Variants in SPHKAP observed in about 807,000 individuals in gnomAD.
SPHKAP encodes A-kinase anchor protein SPHKAP.
Under a neutral mutation model 137.5 loss-of-function variants are expected in SPHKAP, and 67 were observed. The observed-to-expected ratio is 0.49, with a 90% confidence interval of 0.40 to 0.60. The LOEUF is 0.60. SPHKAP is among the 20% of genes least tolerant of loss of function. The pLI is 0.00. For missense variants in SPHKAP, 2,097 were observed against 2,069.3 expected (o/e 1.01, Z -0.26); for synonymous variants, 813 against 785.3 (o/e 1.04, Z -0.59).
chr2:228,109,420 C>A, intron 2 of SPHKAP: 2 of 961,972 alleles, frequency 2.1e-6, no homozygotes, highest in Non-Finnish European at 2.5e-6. Context: ...TCTAGAACAC[C>A]TAAGGTACTA....
chr2:228,156,903 G>A (rs1197941469), intron 1 of SPHKAP, among the ~76,000 whole-genome samples: 2 of 152,098 alleles, frequency 1.3e-5, no homozygotes, highest in Non-Finnish European at 2.9e-5. Flanking sequence ...ATGGAACTGT[G>A]AGTCAATTAA....
chr2:228,046,909 C>A (rs1372866298), intron 3 of SPHKAP, among the ~76,000 whole-genome samples: 1 of 152,150 alleles, frequency 6.6e-6, no homozygotes, highest in Non-Finnish European at 1.5e-5. Flanking sequence ...CATTCCCCAA[C>A]CTCATTATGA....
At position 227,999,909 on chromosome 2, in the gene SPHKAP, A is replaced by G. The variant is rs547455103; in HGVS notation, c.4449-4215T>C. ...ATATCAAATTCCATCATAGAATCTA[A>G]TCTCTCAGTTGGCAGAGATTTTAGA... On this transcript the variant is annotated intron_variant, in intron 7 of 11. Coordinates refer to ENST00000392056, the MANE Select transcript of SPHKAP (RefSeq NM_001142644.2). Among the ~76,000 whole-genome samples, 46 of 152,326 alleles carry G rather than the reference A, an allele frequency of 3.0e-4. No homozygotes were observed. In the South Asian group the frequency reaches 9.3e-3, roughly 31 times the overall value.
intron 2 of SPHKAP, 43 bp from the exon 3 acceptor site, chr2:228,108,982 TTCTA>T (rs1698430692): frequency 7.5e-7 from 1 of 1,333,392 alleles, no homozygotes; most frequent in Non-Finnish European, 1.0e-6. Context: ...CGGCAATCCT[TTCTA>T]TCTAAACAGC....
chr2:228,149,586 T>A (rs1213021391), intron 1 of SPHKAP, among the ~76,000 whole-genome samples: 1 of 152,210 alleles, frequency 6.6e-6, no homozygotes, highest in East Asian at 1.9e-4. Context: ...GGAGCAACCA[T>A]CTGTAGTCAC....
intron 1 of SPHKAP, among the ~76,000 whole-genome samples, chr2:228,134,150 G>GAA (rs1167223814): frequency 1.4e-5 from 2 of 146,874 alleles, no homozygotes; most frequent in Non-Finnish European, 1.5e-5. Context: ...GAGAAAGAAA[G>GAA]AGGAAGAAAA....
intron 3 of SPHKAP, among the ~76,000 whole-genome samples, chr2:228,062,606 A>G (rs1456193741): frequency 1.5e-5 from 2 of 131,180 alleles, no homozygotes; most frequent in Admixed American, 7.1e-5. Flanking sequence ...TTAAAAATGG[A>G]AAAAAAAAAT....
chr2:228,102,913 T>A (rs991229311), intron 3 of SPHKAP, among the ~76,000 whole-genome samples: 2 of 152,154 alleles, frequency 1.3e-5, no homozygotes. Flanking sequence ...AACTAATTTT[T>A]AAAATATTTT....
intron 3 of SPHKAP, among the ~76,000 whole-genome samples, chr2:228,053,772 T>TG (rs1352300591): frequency 6.6e-6 from 1 of 152,320 alleles, no homozygotes; most frequent in East Asian, 1.9e-4. Flanking sequence ...TCTGAAGTCT[T>TG]GTAATGTATT....
intron 3 of SPHKAP, 113 bp from the exon 4 acceptor site, chr2:228,027,656 A>G: frequency 9.4e-7 from 1 of 1,064,214 alleles, no homozygotes. Flanking sequence ...TCCACATCTT[A>G]GACAGTTTGG....
chr2:228,107,515 T>C (rs1020424328), intron 3 of SPHKAP, among the ~76,000 whole-genome samples: 1 of 152,164 alleles, frequency 6.6e-6, no homozygotes, highest in Non-Finnish European at 1.5e-5. Flanking sequence ...AGCATTCTCA[T>C]TGTAGGTCTG....
intron 7 of SPHKAP, among the ~76,000 whole-genome samples, chr2:228,012,527 A>G (rs554645202): frequency 1.3e-5 from 2 of 152,252 alleles, no homozygotes; most frequent in East Asian, 3.9e-4. Context: ...ATTTGCTACC[A>G]CATTATTTTT....
chr2:228,008,299 T>C (rs1452284077), intron 7 of SPHKAP, among the ~76,000 whole-genome samples: 1 of 151,394 alleles, frequency 6.6e-6, no homozygotes, highest in African/African-American at 2.4e-5. Flanking sequence ...TAGGAGTTTT[T>C]TTTTTTTTTT....
intron 3 of SPHKAP, among the ~76,000 whole-genome samples, chr2:228,067,666 G>A (rs1696870557): frequency 6.6e-6 from 1 of 152,110 alleles, no homozygotes; most frequent in Admixed American, 6.5e-5. Context: ...AGCAGGTACA[G>A]GTAAGATTTT....
chr2:228,112,426 A>G (rs4283409), intron 2 of SPHKAP, among the ~76,000 whole-genome samples: 94,627 of 152,006 alleles, frequency 0.62, 29,548 homozygotes, highest in East Asian at 0.7. Context: ...TTTAGGACAC[A>G]TAATACCATG....
At chr2:228,149,549 A>T (rs969716271) in intron 1 of SPHKAP, among the ~76,000 whole-genome samples, 3 of 152,138 alleles carry the variant, frequency 2.0e-5, no homozygotes, top group Non-Finnish European at 4.4e-5. Context: ...GTGTGGAGGG[A>T]TTGGGGAAGA....
At chr2:228,094,880 G>T (rs1697931918) in intron 3 of SPHKAP, among the ~76,000 whole-genome samples, 1 of 152,120 alleles carries the variant, frequency 6.6e-6, no homozygotes, top group Non-Finnish European at 1.5e-5. Context: ...ACTTTTTGAG[G>T]TTGCTGGGGT....
intron 2 of SPHKAP, among the ~76,000 whole-genome samples, chr2:228,119,895 A>G (rs1190949055): frequency 6.6e-6 from 1 of 152,148 alleles, no homozygotes; most frequent in Non-Finnish European, 1.5e-5. Flanking sequence ...CTTCCAAAGT[A>G]TGAATATTAT....
chr2:228,055,141 C>CAA (rs1559149608), intron 3 of SPHKAP, among the ~76,000 whole-genome samples: 1 of 111,892 alleles, frequency 8.9e-6, no homozygotes, highest in African/African-American at 3.5e-5. Flanking sequence ...AAACTCCACT[C>CAA]CAAAAAAAAA....
Sources: allele counts gnomAD v4.1 joint callset (sites outside exome capture counted in the v4.1 genomes callset), GRCh38; gene constraint gnomAD v4.1.1; transcripts MANE v1.5; gene names NCBI Gene and HGNC (gene_info 2026-07-23, HGNC 2026-07-21).